Variants in SETBP1 observed in about 807,000 individuals in gnomAD.
The protein encoded by SETBP1 is SET binding protein 1.
Under a neutral mutation model 101.0 loss-of-function variants are expected in SETBP1, and 9 were observed. That is an observed-to-expected ratio of 0.09 (90% CI 0.05 to 0.16). The LOEUF (loss-of-function observed/expected upper bound fraction) is 0.16. SETBP1 is among the 10% of genes least tolerant of loss of function. The pLI, the probability that SETBP1 is intolerant of heterozygous loss-of-function variation, is 1.00. For synonymous variants in SETBP1, 818 were observed against 788.5 expected, an observed-to-expected ratio of 1.04 and a Z score of -0.63; for missense variants, 1,858 against 2,033.8, an observed-to-expected ratio of 0.91 and a Z score of 1.66.
chr18:44,971,123 G>A (rs1244949885), intron 4 of SETBP1, among the ~76,000 whole-genome samples: 5 of 151,988 alleles, frequency 3.3e-5, no homozygotes, highest in Non-Finnish European at 2.9e-5. Context: ...AGAACATGCG[G>A]TGTTTGGTTT....
At chr18:44,997,779 A>T (rs2072529815) in intron 4 of SETBP1, among the ~76,000 whole-genome samples, 1 of 152,216 alleles carries the variant, frequency 6.6e-6, no homozygotes, top group Non-Finnish European at 1.5e-5. Context: ...TAAGCCAATC[A>T]GCACTAATTA....
At chr18:44,911,122 G>T (rs1370396607) in intron 3 of SETBP1, among the ~76,000 whole-genome samples, 1 of 152,178 alleles carries the variant, frequency 6.6e-6, no homozygotes, top group African/African-American at 2.4e-5. Context: ...AATTTGGAGT[G>T]GGGGAGGGAG....
chr18:44,692,979 T>C (rs1357045634), intron 1 of SETBP1, among the ~76,000 whole-genome samples: 1 of 152,190 alleles, frequency 6.6e-6, no homozygotes, highest in Non-Finnish European at 1.5e-5. Context: ...GTGCAGAGTA[T>C]AAAAACACCA....
At position 44,764,176 on chromosome 18, in the gene SETBP1, G is replaced by A. The variant is rs116334047; in HGVS notation, c.486+62344G>A. 5.6e-3 allele frequency among the ~76,000 whole-genome samples: 858 copies of A among 152,270 alleles called. 8 individuals carry two copies. The highest frequency in any genetic ancestry group is 0.02 in the African/African-American group (830 of 41,542). The stretch of plus-strand genomic sequence containing the variant: ...TGCGGAGTCCTGCATGACCTGGTCC[G>A]TTAGCTGTTGGCCTTGTTTCACTGT... On this transcript the variant is annotated intron_variant, in intron 2 of 5. Coordinates refer to ENST00000649279, the MANE Select transcript of SETBP1 (RefSeq NM_015559.3).
intron 4 of SETBP1, among the ~76,000 whole-genome samples, chr18:45,000,304 A>G (rs2072590204): frequency 6.6e-6 from 1 of 152,238 alleles, no homozygotes; most frequent in South Asian, 2.1e-4. Context: ...TCAAGTCATT[A>G]GGCAGAGGTA....
At chr18:44,933,355 G>A (rs960143199) in intron 3 of SETBP1, among the ~76,000 whole-genome samples, 7 of 152,278 alleles carry the variant, frequency 4.6e-5, no homozygotes, top group East Asian at 3.9e-4. Context: ...GGTGTCAGTC[G>A]GCCCCTACTG....
intron 3 of SETBP1, among the ~76,000 whole-genome samples, chr18:44,885,538 T>C (rs1032927312): frequency 2.0e-5 from 3 of 152,008 alleles, no homozygotes; most frequent in Admixed American, 6.6e-5. Flanking sequence ...CACTTTTTGG[T>C]AACACATGAA....
intron 2 of SETBP1, among the ~76,000 whole-genome samples, chr18:44,722,243 G>T (rs2069616060): frequency 6.6e-6 from 1 of 152,166 alleles, no homozygotes; most frequent in South Asian, 2.1e-4. Context: ...AGGAGAGGAA[G>T]GAATCCTGGG....
At chr18:44,720,407 AG>A (rs1360179962) in intron 2 of SETBP1, among the ~76,000 whole-genome samples, 2 of 152,234 alleles carry the variant, frequency 1.3e-5, no homozygotes, top group Non-Finnish European at 2.9e-5. Context: ...CCGCTGCTGT[AG>A]GTATCCAACA....
chr18:44,737,166 T>A (rs2069987095), intron 2 of SETBP1, among the ~76,000 whole-genome samples: 3 of 152,270 alleles, frequency 2.0e-5, no homozygotes, highest in Admixed American at 1.3e-4. Context: ...CCTGGCTTGC[T>A]AGAGGCCTGT....
chr18:44,807,979 C>G (rs139653244), intron 2 of SETBP1, among the ~76,000 whole-genome samples: 1 of 152,154 alleles, frequency 6.6e-6, no homozygotes. Flanking sequence ...TCAGAACCTA[C>G]GAATAGGCAG....
intron 3 of SETBP1, among the ~76,000 whole-genome samples, chr18:44,922,405 A>T (rs1862297450): frequency 6.6e-6 from 1 of 152,220 alleles, no homozygotes; most frequent in Admixed American, 6.5e-5. Flanking sequence ...AATAAACTAT[A>T]TTCTGGTCAT....
chr18:44,952,952 C>T lies in SETBP1; in HGVS notation c.3612C>T (p.Asn1204=). 6.2e-7 allele frequency: 1 copy of T among 1,614,118 alleles called. No homozygotes were observed. Among genetic ancestry groups the T allele is most frequent in the Non-Finnish European group, 8.5e-7 (1 of 1,180,022 alleles). ...DKELPLVSEK[N]KHKEKQKHQH... ...AGCTCCCGCTGGTGAGTGAGAAGAA[C>T]AAGCATAAGGAGAAACAGAAGCACC... is the stretch of plus-strand genomic sequence containing the variant. Residue 1204 remains asparagine (N), a synonymous_variant, in exon 4 of 6, where the codon AAC becomes AAT. Transcript: ENST00000649279.
At chr18:44,705,641 A>G (rs374421182) in intron 2 of SETBP1, among the ~76,000 whole-genome samples, 15 of 152,198 alleles carry the variant, frequency 9.9e-5, no homozygotes, top group African/African-American at 3.6e-4. Flanking sequence ...TTTCGTTTTC[A>G]TTGGTGTTTG....
At chr18:45,056,461 G>A (rs2073810349) in intron 5 of SETBP1, among the ~76,000 whole-genome samples, 1 of 152,180 alleles carries the variant, frequency 6.6e-6, no homozygotes, top group African/African-American at 2.4e-5. Context: ...CATGGCTGGA[G>A]TTCCATTTAT....
intron 4 of SETBP1, among the ~76,000 whole-genome samples, chr18:44,980,655 C>G (rs533153702): frequency 4.9e-4 from 75 of 152,198 alleles, no homozygotes; most frequent in African/African-American, 1.7e-3. Context: ...TTTCCTTTTT[C>G]TCAAGCACTG....
chr18:44,967,706 G>C (rs1315417627), intron 4 of SETBP1, among the ~76,000 whole-genome samples: 1 of 152,018 alleles, frequency 6.6e-6, no homozygotes, highest in Non-Finnish European at 1.5e-5. Context: ...TTGCTTCTAG[G>C]GGCTGCCCAC....
intron 2 of SETBP1, among the ~76,000 whole-genome samples, chr18:44,719,224 G>A (rs923161477): frequency 2.0e-5 from 3 of 152,170 alleles, no homozygotes; most frequent in African/African-American, 4.8e-5. Flanking sequence ...TGATAAATTA[G>A]GGGAAGGTCA....
In SETBP1 at chr18:44,722,636, G is replaced by C. The variant is rs8086953; in HGVS notation, c.486+20804G>C. 3.4e-3 allele frequency among the ~76,000 whole-genome samples: 520 copies of C among 152,314 alleles called. 3 individuals are homozygous for C. The highest frequency in any genetic ancestry group is 0.012 in the African/African-American group (496 of 41,570). ...TGGCCACCATGATTTCTGTCTTCCAGTGGTGAGCATCACGTGCTCTGTGGA... is the reference window on the plus strand; with the variant it reads ...TGGCCACCATGATTTCTGTCTTCCACTGGTGAGCATCACGTGCTCTGTGGA... On this transcript the variant is annotated intron_variant, in intron 2 of 5. Coordinates refer to ENST00000649279, the MANE Select transcript of SETBP1 (RefSeq NM_015559.3).
Sources: allele counts gnomAD v4.1 joint callset (sites outside exome capture counted in the v4.1 genomes callset), GRCh38; gene constraint gnomAD v4.1.1; transcripts MANE v1.5; gene names NCBI Gene and HGNC (gene_info 2026-07-23, HGNC 2026-07-21).